DLC1: variants seen among roughly 807,000 people sequenced by gnomAD.
DLC1 encodes DLC1 Rho GTPase activating protein, also known as rho GTPase-activating protein 7.
Under a neutral mutation model 140.3 loss-of-function variants are expected in DLC1, and 54 were observed. The observed-to-expected ratio is 0.38, with a 90% CI of 0.31 to 0.48. The LOEUF (loss-of-function observed/expected upper bound fraction) is 0.48, where lower values mean the gene tolerates loss of function less well. Among genes scored for constraint, DLC1 ranks in the 20% least tolerant of loss-of-function variants. The pLI, the probability that DLC1 is intolerant of heterozygous loss-of-function variation, is 0.96. For missense variants in DLC1, 2,536 were observed against 1,907.0 expected, an observed-to-expected ratio of 1.33 and a Z score of -6.14; for synonymous variants, 986 against 728.1, an observed-to-expected ratio of 1.35 and a Z score of -5.70.
chr8:13,144,402 C>G (rs1430408989), intron 5 of DLC1, among the ~76,000 whole-genome samples: 2 of 152,170 alleles, frequency 1.3e-5, no homozygotes, highest in East Asian at 1.9e-4. Flanking sequence ...TTCCTTGGTT[C>G]TCCACCTTGC....
chr8:13,340,642 C>G (rs896461307), intron 4 of DLC1: 3 of 152,166 alleles, frequency 2.0e-5, no homozygotes, highest in African/African-American at 7.2e-5. Flanking sequence ...TTCCTTTCCC[C>G]TAAACAAGGA....
At chr8:13,393,783 TTC>T (rs1836883994) in intron 3 of DLC1, 90 bp from the exon 4 acceptor site, 19 of 1,461,970 alleles carry the variant, frequency 1.3e-5, no homozygotes, top group Non-Finnish European at 1.8e-5. Flanking sequence ...CACTTCTTCT[TTC>T]TCCCAGTGCA....
At position 13,216,690 on chromosome 8, in the gene DLC1, C is replaced by G. The variant is rs181504650; in HGVS notation, c.1348+88579G>C. ...AGCCCAGGGTTTCTCAACCTCAGGA[C>G]TATGTACAGTTTGTGTCAACTGATT... On this transcript the variant is annotated intron_variant, in intron 5 of 17. Transcript: ENST00000276297. Among the ~76,000 whole-genome samples the G allele has an allele frequency of 7.9e-5, 12 of 152,170 alleles. No homozygotes were observed. The East Asian group carries it at 1.9e-3, about 25-fold the overall frequency.
At chr8:13,476,772 A>C (rs1368629478) in intron 2 of DLC1, among the ~76,000 whole-genome samples, 4 of 152,198 alleles carry the variant, frequency 2.6e-5, no homozygotes, top group Non-Finnish European at 5.9e-5. Context: ...CGGTAAAAAA[A>C]CCCACTGAAT....
intron 4 of DLC1, among the ~76,000 whole-genome samples, chr8:13,344,691 C>G (rs539034624): frequency 2.6e-5 from 4 of 152,220 alleles, no homozygotes; most frequent in South Asian, 4.1e-4. Flanking sequence ...GTCTCTATCA[C>G]TATTATGATG....
intron 2 of DLC1, among the ~76,000 whole-genome samples, chr8:13,412,644 A>C (rs1435343938): frequency 6.6e-6 from 1 of 152,106 alleles, no homozygotes; most frequent in African/African-American, 2.4e-5. Context: ...TGCAAGTTAG[A>C]AAAATGTCCC....
At chr8:13,239,929 C>T (rs1245134730) in intron 5 of DLC1, among the ~76,000 whole-genome samples, 1 of 152,162 alleles carries the variant, frequency 6.6e-6, no homozygotes, top group African/African-American at 2.4e-5. Context: ...TTCTGTAATG[C>T]TTGTTCTGGT....
chr8:13,541,628 C>A (rs554540653), intron 1 of DLC1, among the ~76,000 whole-genome samples: 134 of 152,310 alleles, frequency 8.8e-4, no homozygotes, highest in Non-Finnish European at 1.7e-3. Context: ...CGGCTCACTG[C>A]AAGCTCCGCC....
intron 5 of DLC1, among the ~76,000 whole-genome samples, chr8:13,199,617 A>G (rs1827266051): frequency 6.6e-6 from 1 of 152,192 alleles, no homozygotes; most frequent in Non-Finnish European, 1.5e-5. Context: ...CTTGCTGTAT[A>G]TTAAAAATTC....
At chr8:13,240,249 G>A (rs1243307887) in intron 5 of DLC1, among the ~76,000 whole-genome samples, 2 of 152,150 alleles carry the variant, frequency 1.3e-5, no homozygotes, top group African/African-American at 4.8e-5. Context: ...AGAAAAAGCT[G>A]TAGAAGCAAG....
intron 5 of DLC1, among the ~76,000 whole-genome samples, chr8:13,263,349 T>C (rs1830543184): frequency 6.6e-6 from 1 of 152,210 alleles, no homozygotes; most frequent in Admixed American, 6.5e-5. Context: ...CCTCAGCACC[T>C]ACCTCAGCTG....
chr8:13,171,559 T>A (rs1825483160), intron 5 of DLC1, among the ~76,000 whole-genome samples: 1 of 151,936 alleles, frequency 6.6e-6, no homozygotes, highest in African/African-American at 2.4e-5. Flanking sequence ...CCCCACTAAT[T>A]TTTTATTTTC....
intron 5 of DLC1, among the ~76,000 whole-genome samples, chr8:13,179,219 T>C (rs1825910506): frequency 6.6e-6 from 1 of 152,030 alleles, no homozygotes. Flanking sequence ...AACGAATCTC[T>C]TCTGTTAGAA....
chr8:13,412,313 T>A (rs2117301947), intron 2 of DLC1, among the ~76,000 whole-genome samples: 1 of 152,298 alleles, frequency 6.6e-6, no homozygotes, highest in Non-Finnish European at 1.5e-5. Flanking sequence ...GAAATAGAAT[T>A]TTTTTCCCCT....
chr8:13,189,758 T>C (rs1286564637), intron 5 of DLC1, among the ~76,000 whole-genome samples: 2 of 152,046 alleles, frequency 1.3e-5, no homozygotes, highest in Middle Eastern at 3.2e-3. Flanking sequence ...GGTACATGCC[T>C]GTAGTCCCAG....
chr8:13,337,536 G>A (rs886967548), intron 4 of DLC1, among the ~76,000 whole-genome samples: 2 of 152,116 alleles, frequency 1.3e-5, no homozygotes, highest in Non-Finnish European at 2.9e-5. Flanking sequence ...TAAATAGATG[G>A]AAAAATTAGG....
chr8:13,551,866 G>GTATA (rs141222211), intron 1 of DLC1, among the ~76,000 whole-genome samples: 1 of 136,372 alleles, frequency 7.3e-6, no homozygotes, highest in African/African-American at 2.7e-5. Flanking sequence ...ACAAGTGTGT[G>GTATA]TATATATATA....
intron 5 of DLC1, among the ~76,000 whole-genome samples, chr8:13,170,501 T>C (rs553712687): frequency 0.017 from 2,661 of 152,100 alleles, 69 homozygotes; most frequent in African/African-American, 0.059. Flanking sequence ...GGGGCCAAGG[T>C]GGGCGGATCA....
intron 7 of DLC1, among the ~76,000 whole-genome samples, chr8:13,107,969 T>C (rs1585643378): frequency 6.6e-6 from 1 of 152,116 alleles, no homozygotes; most frequent in Non-Finnish European, 1.5e-5. Context: ...TGCTTGAACC[T>C]GGGAGGCGGA....
Sources: allele counts gnomAD v4.1 joint callset (sites outside exome capture counted in the v4.1 genomes callset), GRCh38; gene constraint gnomAD v4.1.1; transcripts MANE v1.5; gene names NCBI Gene and HGNC (gene_info 2026-07-23, HGNC 2026-07-21).